TPO: variants seen among roughly 807,000 people sequenced by gnomAD.
The protein encoded by TPO is thyroid peroxidase.
A neutral mutation model predicts 96.9 loss-of-function variants in TPO; 78 were observed. The observed-to-expected ratio is 0.81, with a 90% CI of 0.67 to 0.97. The LOEUF is 0.97. Among genes scored for constraint, TPO ranks in the 50% least tolerant of loss-of-function variants. The probability of loss-of-function intolerance (pLI) is 0.00; values close to 1 mark genes in which losing one functional copy is unlikely to be tolerated. For synonymous variants in TPO, 547 were observed against 538.0 expected (o/e 1.02, Z -0.23); for missense variants, 1,252 against 1,274.8 (o/e 0.98, Z 0.27).
Position 1,540,713 on chromosome 2 carries a change from ACTCGGAGCAGGT to A in TPO, c.2739_2748+2del. On this transcript the variant is annotated splice_donor_variant and coding_sequence_variant, in exon 16 of 17. Transcript: ENST00000329066. LOFTEE classifies it high-confidence loss of function. ...TCACCGCAGCGGGCCGCAGCTCAGGACTCGGAGCAGGTGGGCCACACCATGCCGCATGTTTCC... is the reference window on the plus strand; with the variant it reads ...TCACCGCAGCGGGCCGCAGCTCAGGAGGGCCACACCATGCCGCATGTTTCC... 6.2e-7 allele frequency: 1 copy of A among 1,613,166 alleles called. No individual in the cohort carries two copies. Among genetic ancestry groups the A allele is most frequent in the Non-Finnish European group, 8.5e-7 (1 of 1,180,016 alleles).
chr2:1,522,124 C>T (rs115533454), intron 15 of TPO, among the ~76,000 whole-genome samples: 132 of 147,102 alleles, frequency 9.0e-4, no homozygotes, highest in African/African-American at 2.7e-3. Context: ...TACCCGACAC[C>T]GGCCCTGCCA....
intron 10 of TPO, 97 bp downstream of exon 10, chr2:1,488,088 A>T: frequency 3.8e-6 from 6 of 1,566,680 alleles, no homozygotes; most frequent in Non-Finnish European, 5.2e-6. Context: ...GAGGAAAACA[A>T]TCACAAATCT....
chr2:1,390,022 T>C (rs942473818), intron 1 of TPO, among the ~76,000 whole-genome samples: 1 of 150,924 alleles, frequency 6.6e-6, no homozygotes, highest in Non-Finnish European at 1.5e-5. Flanking sequence ...TTCTTTTCTT[T>C]TTTTTTTTTT....
chr2:1,486,694 T>G (rs1390931106), intron 9 of TPO, among the ~76,000 whole-genome samples: 1 of 152,222 alleles, frequency 6.6e-6, no homozygotes, highest in Non-Finnish European at 1.5e-5. Flanking sequence ...GGAAGGGTTA[T>G]TTTTAAGCTT....
At chr2:1,410,655 C>T (rs770754209), upstream of TPO, among the ~76,000 whole-genome samples, 2 of 152,250 alleles carry the variant, frequency 1.3e-5, no homozygotes, top group East Asian at 1.9e-4. Context: ...TGGAAGCGTG[C>T]TTGTCTTCTC....
chr2:1,508,096 G>A (rs901569292), intron 14 of TPO, among the ~76,000 whole-genome samples: 150 of 151,072 alleles, frequency 9.9e-4, no homozygotes, highest in African/African-American at 3.6e-3. Context: ...TAGCATGAAG[G>A]GTTGTTGAAT....
chr2:1,505,871 T>C (rs1472739133), intron 14 of TPO, among the ~76,000 whole-genome samples: 1 of 151,360 alleles, frequency 6.6e-6, no homozygotes, highest in African/African-American at 2.4e-5. Flanking sequence ...TTAGTTTTAT[T>C]ATTATTATAC....
At chr2:1,496,573 T>A (rs1343311588) in intron 12 of TPO, 22 bp from the exon 13 acceptor site, 20 of 1,613,484 alleles carry the variant, frequency 1.2e-5, no homozygotes, top group Non-Finnish European at 1.7e-5. Context: ...TGACTACATG[T>A]CAACCTGTCC....
chr2:1,388,555 G>A (rs1661944975), intron 1 of TPO, among the ~76,000 whole-genome samples: 1 of 152,202 alleles, frequency 6.6e-6, no homozygotes, highest in South Asian at 2.1e-4. Flanking sequence ...TAAGACCATT[G>A]GAAAAGCGCA....
At chr2:1,423,949 T>C (rs1261866704) in intron 3 of TPO, among the ~76,000 whole-genome samples, 2 of 152,034 alleles carry the variant, frequency 1.3e-5, no homozygotes, top group Non-Finnish European at 2.9e-5. Flanking sequence ...GCAGTGGGGG[T>C]GGATACCAAG....
intron 14 of TPO, among the ~76,000 whole-genome samples, chr2:1,515,482 G>GT (rs906403769): frequency 6.8e-4 from 103 of 152,326 alleles, no homozygotes; most frequent in African/African-American, 2.4e-3. Context: ...GGACAGGATC[G>GT]TTTTGGAGAA....
chr2:1,433,872 A>AT (rs1396918823), intron 4 of TPO, among the ~76,000 whole-genome samples: 3 of 152,188 alleles, frequency 2.0e-5, no homozygotes, highest in African/African-American at 7.2e-5. Context: ...CTAAACATCC[A>AT]TTTTTTATGG....
At chr2:1,419,057 T>C (rs150419567) in intron 2 of TPO, among the ~76,000 whole-genome samples, 92 of 152,278 alleles carry the variant, frequency 6.0e-4, no homozygotes, top group African/African-American at 2.1e-3. Context: ...CTTTCTGAAA[T>C]GTGGTATGTT....
chr2:1,537,600 TGC>T (rs1680108945), intron 15 of TPO, among the ~76,000 whole-genome samples: 2 of 92,210 alleles, frequency 2.2e-5, no homozygotes, highest in Non-Finnish European at 3.9e-5. Context: ...CCCCATTGTG[TGC>T]AAACTCCTCA....
rs1447446562 is a variant in TPO, at chr2:1,542,579, C to T, written c.*105C>T. 6.4e-7 allele frequency: 1 copy of T among 1,570,480 alleles called. No homozygotes were observed. Among genetic ancestry groups the T allele is most frequent in the Admixed American group, 1.9e-5 (1 of 52,718 alleles). On this transcript the variant is annotated 3_prime_UTR_variant, in exon 17 of 17. Transcript: ENST00000329066. ...CCGAAATCAGCAGGACGACTGTTTT[C>T]CCAACACGGGTAAATCTAGTACCAT...
intron 1 of TPO, among the ~76,000 whole-genome samples, chr2:1,398,845 T>A (rs374661470): frequency 6.6e-5 from 10 of 152,212 alleles, no homozygotes; most frequent in African/African-American, 2.4e-4. Flanking sequence ...TTGTGCCCCC[T>A]CACCTGCAGC....
At position 1,414,429 on chromosome 2, in the gene TPO, G is replaced by A. The variant is rs373144454; in HGVS notation, c.21G>A (p.Leu7=). ...TTAGAATGAGAGCGCTCGCTGTGCTGTCTGTCACGCTGGTTATGGCCTGCA... is the reference window on the plus strand; with the variant it reads ...TTAGAATGAGAGCGCTCGCTGTGCTATCTGTCACGCTGGTTATGGCCTGCA... MRALAV[L]SVTLVMACTE... is the part of the protein sequence containing the mutation. Residue 7 remains leucine (L), a synonymous_variant, in exon 2 of 17, where the codon CTG becomes CTA. Coordinates refer to ENST00000329066, the MANE Select transcript of TPO (RefSeq NM_001206744.2). The A allele has an allele frequency of 3.7e-6, 6 of 1,613,924 alleles. No individual in the cohort carries two copies. The Middle Eastern group carries it at 8.2e-4, about 222-fold the overall frequency.
intron 1 of TPO, among the ~76,000 whole-genome samples, chr2:1,391,089 T>C (rs956763887): frequency 6.6e-6 from 1 of 152,166 alleles, no homozygotes; most frequent in Non-Finnish European, 1.5e-5. Context: ...GGTGTTTTAG[T>C]CATGAAGTCC....
In TPO at chr2:1,543,110, A is replaced by C; in HGVS notation, c.*636A>C. The C allele has an allele frequency of 6.4e-6, 1 of 155,322 alleles. No homozygotes were observed. Among genetic ancestry groups the C allele is most frequent in the Non-Finnish European group, 1.4e-5 (1 of 70,788 alleles). 9.6% of individuals were successfully genotyped at this position (155,322 alleles called of 1,614,324 possible). ...GCACACTGCTCTTACTCCTCCTTAT[A>C]CCCTCACTCACGGGGAACACAGCCC... On this transcript the variant is annotated 3_prime_UTR_variant, in exon 17 of 17. Transcript: ENST00000329066.
Sources: allele counts gnomAD v4.1 joint callset (sites outside exome capture counted in the v4.1 genomes callset), GRCh38; gene constraint gnomAD v4.1.1; transcripts MANE v1.5; gene names NCBI Gene and HGNC (gene_info 2026-07-23, HGNC 2026-07-21).